TENT5D: variants seen among roughly 807,000 people sequenced by gnomAD.
TENT5D encodes the protein cancer/testis antigen 112.
For missense variants in TENT5D, 191 were observed against 287.0 expected (o/e 0.67, Z 2.42); for synonymous variants, 103 against 100.6 (o/e 1.02, Z -0.15).
chrX:80,341,545 G>T (rs1384596561), intron 2 of TENT5D, among the ~76,000 whole-genome samples: 1 of 111,161 alleles, frequency 9.0e-6, no homozygotes, highest in Non-Finnish European at 1.9e-5. Flanking sequence ...CAAGATCAGT[G>T]TATAAGGCAA....
At chrX:80,358,929 G>A (rs1344210360) in intron 3 of TENT5D, among the ~76,000 whole-genome samples, 1 of 111,800 alleles carries the variant, frequency 8.9e-6, no homozygotes, top group Non-Finnish European at 1.9e-5. Flanking sequence ...TAGGTCAAGG[G>A]ATGAAGGAAA....
At chrX:80,410,237 A>G (rs1336647387) in intron 3 of TENT5D, among the ~76,000 whole-genome samples, 3 of 109,139 alleles carry the variant, frequency 2.7e-5, no homozygotes, top group Non-Finnish European at 5.7e-5. Context: ...GCCAAAATTG[A>G]CAAATGGGAT....
intron 3 of TENT5D, among the ~76,000 whole-genome samples, chrX:80,358,377 A>C (rs921780459): frequency 1.8e-5 from 2 of 111,543 alleles, no homozygotes; most frequent in Non-Finnish European, 3.8e-5. Flanking sequence ...AGTGAACAGG[A>C]AACCTACAGA....
At chrX:80,390,433 A>G (rs1038194668) in intron 3 of TENT5D, among the ~76,000 whole-genome samples, 19 of 111,906 alleles carry the variant, frequency 1.7e-4, no homozygotes, top group Middle Eastern at 9.3e-3. Context: ...TCTGTCAAGG[A>G]GTAGGCAGAG....
chrX:80,376,934 T>G (rs1930739654), intron 3 of TENT5D, among the ~76,000 whole-genome samples: 2 of 111,444 alleles, frequency 1.8e-5, no homozygotes, highest in Admixed American at 9.6e-5. Context: ...AAGAATATAG[T>G]GAGCACCTGA....
exon 3 of TENT5D, chrX:80,442,771 A>G (rs1374230339): frequency 6.6e-6 from 8 of 1,209,829 alleles, no homozygotes; most frequent in Non-Finnish European, 8.9e-6. Context: ...CCACAATGGA[A>G]TCAGCTATAA....
At chrX:80,363,210 T>C (rs1201171514) in intron 3 of TENT5D, among the ~76,000 whole-genome samples, 1 of 111,943 alleles carries the variant, frequency 8.9e-6, no homozygotes, top group African/African-American at 3.2e-5. Flanking sequence ...TAACTGAATA[T>C]TTTAAAATAC....
intron 3 of TENT5D, among the ~76,000 whole-genome samples, chrX:80,395,720 T>C (rs1931227265): frequency 9.1e-6 from 1 of 110,217 alleles, no homozygotes; most frequent in Non-Finnish European, 1.9e-5. Context: ...AATATCCTTT[T>C]TCTAGCTATT....
Position 80,346,775 on chromosome X carries a change from C to T in TENT5D, c.-142+4211C>T, listed in dbSNP as rs145668027. Among the ~76,000 whole-genome samples, 749 of 110,733 alleles carry T rather than the reference C, an allele frequency of 6.8e-3. 7 individuals carry two copies. Among genetic ancestry groups the T allele is most frequent in the Non-Finnish European group, 9.8e-3 (516 of 52,893 alleles). On this transcript the variant is annotated intron_variant, in intron 3 of 4. Transcript: ENST00000538312. ...TCCTGCACCTATCAACTCATCATCT[C>T]GGTTTTCAGCCCCGCATGCATTAGG...
At chrX:80,444,481 C>T (rs954004224) in exon 3 of TENT5D, 4 of 121,946 alleles carry the variant, frequency 3.3e-5, no homozygotes, top group Non-Finnish European at 7.6e-5. Flanking sequence ...TAAGTTAAAA[C>T]GAATGAAAAT....
intron 3 of TENT5D, among the ~76,000 whole-genome samples, chrX:80,372,886 CAAA>C (rs59485814): frequency 2.6e-4 from 18 of 68,687 alleles, no homozygotes; most frequent in Non-Finnish European, 2.2e-4. Context: ...GACTCTATCT[CAAA>C]AAAAAAAAAA....
chrX:80,375,548 C>A (rs1158066180), intron 3 of TENT5D, among the ~76,000 whole-genome samples: 1 of 111,232 alleles, frequency 9.0e-6, no homozygotes, highest in Non-Finnish European at 1.9e-5. Flanking sequence ...GTATTTTCTA[C>A]AATTTGTCCA....
intron 1 of TENT5D, among the ~76,000 whole-genome samples, chrX:80,424,658 A>G (rs1602220256): frequency 8.9e-6 from 1 of 112,692 alleles, no homozygotes; most frequent in East Asian, 2.8e-4. Context: ...CTTTTGAAAC[A>G]TAATTTTTTC....
chrX:80,358,863 G>C (rs150380434), intron 3 of TENT5D, among the ~76,000 whole-genome samples: 21 of 112,067 alleles, frequency 1.9e-4, no homozygotes, highest in African/African-American at 6.1e-4. Context: ...GAAGAAAATA[G>C]TGTTGACTAG....
At chrX:80,434,528 G>A (rs896971645) in intron 1 of TENT5D, among the ~76,000 whole-genome samples, 2 of 111,692 alleles carry the variant, frequency 1.8e-5, no homozygotes, top group Admixed American at 9.5e-5. Flanking sequence ...TCTGAGGTAC[G>A]TTTGTGAGTG....
chrX:80,395,912 A>T (rs974492040), intron 3 of TENT5D, among the ~76,000 whole-genome samples: 3 of 104,930 alleles, frequency 2.9e-5, no homozygotes, highest in Non-Finnish European at 5.8e-5. Flanking sequence ...TGTGAGATGA[A>T]CTTCTTTTTA....
At chrX:80,374,208 G>A (rs939444515) in intron 3 of TENT5D, among the ~76,000 whole-genome samples, 7 of 111,750 alleles carry the variant, frequency 6.3e-5, no homozygotes, top group African/African-American at 1.6e-4. Flanking sequence ...ATTCCATGGT[G>A]TATATACACC....
At chrX:80,421,787 G>C (rs777249169) in intron 1 of TENT5D, among the ~76,000 whole-genome samples, 1 of 111,460 alleles carries the variant, frequency 9.0e-6, no homozygotes, top group African/African-American at 3.3e-5. Flanking sequence ...TGAGGGAGGG[G>C]ACTTCCCCAT....
At chrX:80,440,252 T>C (rs763359453) in intron 2 of TENT5D, among the ~76,000 whole-genome samples, 35 of 111,668 alleles carry the variant, frequency 3.1e-4, no homozygotes, top group African/African-American at 1.1e-3. Context: ...TGATGGACAG[T>C]TTTTCTACAC....
Sources: allele counts gnomAD v4.1 joint callset (sites outside exome capture counted in the v4.1 genomes callset), GRCh38; gene constraint gnomAD v4.1.1; transcripts MANE v1.5; gene names NCBI Gene and HGNC (gene_info 2026-07-23, HGNC 2026-07-21).